The following PTK2 variants were observed in gnomAD, a reference collection of about 807,000 sequenced individuals.
PTK2 encodes protein tyrosine kinase 2.
Under a neutral mutation model 150.1 loss-of-function variants are expected in PTK2, and 45 were observed. That is an observed-to-expected ratio of 0.30 (90% CI 0.24 to 0.38). PTK2 has a LOEUF of 0.38. PTK2 is among the 10% of genes least tolerant of loss of function. The probability of loss-of-function intolerance (pLI) is 1.00; values close to 1 mark genes in which losing one functional copy is unlikely to be tolerated. For missense variants in PTK2, 919 were observed against 1,307.3 expected, an observed-to-expected ratio of 0.70 and a Z score of 4.58; for synonymous variants, 432 against 449.2, an observed-to-expected ratio of 0.96 and a Z score of 0.48.
intron 21 of PTK2, among the ~76,000 whole-genome samples, chr8:140,736,803 G>A (rs2100052849): frequency 6.6e-6 from 1 of 151,952 alleles, no homozygotes; most frequent in Non-Finnish European, 1.5e-5. Context: ...TTTTCCTCTG[G>A]GAAAAGTTTT....
intron 10 of PTK2, 50 bp downstream of exon 10, chr8:140,818,227 G>T: frequency 6.7e-7 from 1 of 1,487,190 alleles, no homozygotes; most frequent in Non-Finnish European, 9.4e-7. Context: ...TCCTTAATTT[G>T]ATTCTTCTTT....
At chr8:140,863,797 ATAGT>A (rs1453259245) in intron 5 of PTK2, among the ~76,000 whole-genome samples, 5 of 152,374 alleles carry the variant, frequency 3.3e-5, no homozygotes, top group Admixed American at 1.3e-4. Flanking sequence ...CCGGTCCAGA[ATAGT>A]TAGTTAATAA....
intron 2 of PTK2, among the ~76,000 whole-genome samples, chr8:140,897,375 A>T (rs2100156718): frequency 6.6e-6 from 1 of 152,174 alleles, no homozygotes; most frequent in Admixed American, 6.5e-5. Flanking sequence ...CAAAAGAAAA[A>T]AAAAAGGAAT....
At chr8:140,771,384 T>C (rs79127302) in intron 14 of PTK2, 1 of 152,200 alleles carries the variant, frequency 6.6e-6, no homozygotes, top group Non-Finnish European at 1.5e-5. Context: ...TCAAAGCTCA[T>C]TTTAGAGTCA....
intron 20 of PTK2, among the ~76,000 whole-genome samples, chr8:140,739,787 TC>T (rs1248553790): frequency 1.3e-5 from 2 of 151,990 alleles, no homozygotes; most frequent in African/African-American, 4.8e-5. Context: ...TGCCGTCCCC[TC>T]CCAGCCCTGA....
chr8:140,754,884 C>A (rs1189747374), intron 16 of PTK2, among the ~76,000 whole-genome samples: 1 of 152,102 alleles, frequency 6.6e-6, no homozygotes, highest in African/African-American at 2.4e-5. Flanking sequence ...AAGACCAGAA[C>A]GTGTGCAAAG....
At chr8:140,844,457 T>C (rs2154604126) in intron 7 of PTK2, among the ~76,000 whole-genome samples, 1 of 152,302 alleles carries the variant, frequency 6.6e-6, no homozygotes, top group South Asian at 2.1e-4. Context: ...AGTATCTATA[T>C]TACTATGGAC....
At chr8:140,960,964 G>A (rs1250612364) in intron 1 of PTK2, among the ~76,000 whole-genome samples, 1 of 152,110 alleles carries the variant, frequency 6.6e-6, no homozygotes, top group African/African-American at 2.4e-5. Context: ...TAGGCAACAA[G>A]AGCGAAACTC....
chr8:140,795,320 C>T (rs1251058629), intron 12 of PTK2, among the ~76,000 whole-genome samples: 1 of 152,192 alleles, frequency 6.6e-6, no homozygotes, highest in Non-Finnish European at 1.5e-5. Flanking sequence ...AATGCCTTTA[C>T]ATCCTGACCA....
chr8:140,754,540 T>C (rs1313643594), intron 16 of PTK2, among the ~76,000 whole-genome samples: 1 of 152,152 alleles, frequency 6.6e-6, no homozygotes, highest in East Asian at 1.9e-4. Flanking sequence ...AACAAAATCT[T>C]TGATAAGACC....
At chr8:140,943,381 G>T (rs1378028811) in intron 1 of PTK2, among the ~76,000 whole-genome samples, 1 of 152,198 alleles carries the variant, frequency 6.6e-6, no homozygotes, top group Non-Finnish European at 1.5e-5. Flanking sequence ...CTGCTTTGAA[G>T]ATCTGCCCAT....
rs533089786 is a variant in PTK2, at chr8:140,679,003, G to GT, written c.2563-3505dup. Among the ~76,000 whole-genome samples, 38 of 69,008 alleles carry GT rather than the reference G, an allele frequency of 5.5e-4. 6 individuals are homozygous for GT. Among genetic ancestry groups the GT allele is most frequent in the East Asian group, 2.8e-3 (6 of 2,156 alleles). The allele number at this position is 69,008 out of a possible 152,430, so 45.3% of individuals were successfully genotyped here. On this transcript the variant is annotated intron_variant, in intron 27 of 31. Coordinates refer to ENST00000522684, the Ensembl canonical transcript of PTK2. ...TCACGGCCAGCTGAGTGCTCCCCAT[G>GT]TTTTTTTTTTTTTTTTTTTTTTTTT...
chr8:140,828,664 T>C (rs1039378784), intron 8 of PTK2, among the ~76,000 whole-genome samples: 2 of 152,204 alleles, frequency 1.3e-5, no homozygotes, highest in South Asian at 2.1e-4. Flanking sequence ...TCACTAAAAC[T>C]GTAGCTTACA....
At chr8:140,891,918 G>A (rs189751542) in intron 2 of PTK2, among the ~76,000 whole-genome samples, 3 of 152,084 alleles carry the variant, frequency 2.0e-5, no homozygotes, top group Admixed American at 6.6e-5. Flanking sequence ...CAGATCCATC[G>A]TGGCAGGCCA....
intron 5 of PTK2, among the ~76,000 whole-genome samples, chr8:140,862,404 T>C (rs1328303828): frequency 3.3e-5 from 5 of 152,208 alleles, no homozygotes; most frequent in Non-Finnish European, 7.3e-5. Context: ...AGAACCAGTC[T>C]GTAAGATGAA....
chr8:140,715,184 T>G (rs1279315885), intron 23 of PTK2, among the ~76,000 whole-genome samples: 2 of 135,996 alleles, frequency 1.5e-5, no homozygotes, highest in African/African-American at 5.6e-5. Context: ...TTTTTTTTTT[T>G]TTTTTTTTGA....
At chr8:140,735,397 G>A in exon 22 of PTK2, 1 of 1,614,102 alleles carries the variant, frequency 6.2e-7, no homozygotes, top group Non-Finnish European at 8.5e-7. Context: ...TTACATCATT[G>A]TTCTTCACTC....
chr8:140,714,795 T>TAAAAAA (rs1437076494), intron 23 of PTK2, among the ~76,000 whole-genome samples: 1 of 9,814 alleles, frequency 1.0e-4, no homozygotes, highest in Non-Finnish European at 3.6e-4. Context: ...AGGCTCTGTC[T>TAAAAAA]CAAAAAAAAA....
chr8:140,819,811 T>C (rs1566984373), intron 8 of PTK2, among the ~76,000 whole-genome samples: 1 of 152,198 alleles, frequency 6.6e-6, no homozygotes, highest in African/African-American at 2.4e-5. Context: ...TGATAGGTGG[T>C]CTTCCAGTCC....
Sources: gnomAD v4.1 joint callset for allele counts (sites outside exome capture counted in the v4.1 genomes callset) on GRCh38, gnomAD v4.1.1 for gene constraint, MANE v1.5 for transcripts, NCBI Gene and HGNC (gene_info 2026-07-23, HGNC 2026-07-21) for gene names.